GALNT13: variants seen among roughly 807,000 people sequenced by gnomAD.
GALNT13 encodes polypeptide N-acetylgalactosaminyltransferase 13.
Under a neutral mutation model 64.2 loss-of-function variants are expected in GALNT13, and 28 were observed. The ratio of observed to expected loss-of-function variants is 0.44; its 90% CI spans 0.32 to 0.60. The LOEUF (loss-of-function observed/expected upper bound fraction) is 0.60, where lower values mean the gene tolerates loss of function less well. Among genes scored for constraint, GALNT13 ranks in the 20% least tolerant of loss-of-function variants. The pLI, the probability that GALNT13 is intolerant of heterozygous loss-of-function variation, is 0.05. For synonymous variants in GALNT13, 214 were observed against 224.6 expected (o/e 0.95, Z 0.42); for missense variants, 577 against 669.8 (o/e 0.86, Z 1.53).
chr2:153,740,841 G>A, the GALNT13 span, among the ~76,000 whole-genome samples: 3 of 152,106 alleles, frequency 2.0e-5, no homozygotes, highest in Non-Finnish European at 4.4e-5. Flanking sequence ...CTTGAGCAGA[G>A]TTTATGCATA....
chr2:153,609,459 A>C, the GALNT13 span, among the ~76,000 whole-genome samples: 5,777 of 152,122 alleles, frequency 0.038, 139 homozygotes, highest in Middle Eastern at 0.065. Context: ...TGCTCCTCTT[A>C]CACCCGTTTC....
chr2:154,409,875 A>T (rs1699717878), intron 11 of GALNT13, among the ~76,000 whole-genome samples: 1 of 151,896 alleles, frequency 6.6e-6, no homozygotes, highest in Admixed American at 6.6e-5. Context: ...TTATGGTTAT[A>T]TTTGTGTCAA....
At chr2:153,280,477 T>C in the GALNT13 span, among the ~76,000 whole-genome samples, 1 of 152,166 alleles carries the variant, frequency 6.6e-6, no homozygotes, top group South Asian at 2.1e-4. Context: ...TTTGAAATCT[T>C]CCTGAATTTT....
intron 3 of GALNT13, among the ~76,000 whole-genome samples, chr2:154,137,302 AACACACACAC>A (rs112665813): frequency 6.7e-5 from 10 of 148,888 alleles, no homozygotes; most frequent in Non-Finnish European, 1.3e-4. Context: ...ACACAGGCAA[AACACACACAC>A]ACACACACAC....
the GALNT13 span, among the ~76,000 whole-genome samples, chr2:153,098,117 C>CTG: frequency 2.2e-4 from 33 of 152,112 alleles, no homozygotes; most frequent in Admixed American, 5.9e-4. Flanking sequence ...TCCCTTATAG[C>CTG]CATCACTTAG....
At chr2:153,397,783 A>G in the GALNT13 span, among the ~76,000 whole-genome samples, 1 of 152,102 alleles carries the variant, frequency 6.6e-6, no homozygotes, top group Non-Finnish European at 1.5e-5. Flanking sequence ...GCAGAACTCC[A>G]ATTTACTGAC....
intron 9 of GALNT13, among the ~76,000 whole-genome samples, chr2:154,310,593 T>C (rs1292591607): frequency 6.6e-6 from 1 of 152,190 alleles, no homozygotes; most frequent in Non-Finnish European, 1.5e-5. Context: ...TATTTAATCA[T>C]GCCAATATTG....
the GALNT13 span, among the ~76,000 whole-genome samples, chr2:153,838,718 T>C: frequency 6.6e-6 from 1 of 151,972 alleles, no homozygotes; most frequent in Admixed American, 6.6e-5. Flanking sequence ...TTTGTTCTTC[T>C]TGTTCAAGAT....
chr2:153,576,148 C>A, the GALNT13 span, among the ~76,000 whole-genome samples: 1 of 151,004 alleles, frequency 6.6e-6, no homozygotes, highest in South Asian at 2.1e-4. Context: ...AATGCCCTCC[C>A]CACTCTTTCC....
the GALNT13 span, among the ~76,000 whole-genome samples, chr2:153,749,695 C>T: frequency 4.6e-5 from 7 of 151,838 alleles, no homozygotes; most frequent in Admixed American, 3.3e-4. Context: ...TTGCATCTGG[C>T]AACTTTGGCG....
chr2:153,351,976 G>A, the GALNT13 span, among the ~76,000 whole-genome samples: 3 of 152,136 alleles, frequency 2.0e-5, no homozygotes, highest in Non-Finnish European at 2.9e-5. Context: ...TAAATACTAA[G>A]GAGTGTGATT....
chr2:153,630,783 ATATATATATATATATATATATATATT>A, the GALNT13 span, among the ~76,000 whole-genome samples: 4 of 9,482 alleles, frequency 4.2e-4, no homozygotes, highest in South Asian at 0.032. Context: ...ATATATATAT[ATATATATATATATATATATATATATT>A]TTTTTTTTTT....
intron 11 of GALNT13, among the ~76,000 whole-genome samples, chr2:154,425,626 G>A (rs959722236): frequency 3.3e-5 from 5 of 152,122 alleles, no homozygotes; most frequent in Non-Finnish European, 5.9e-5. Flanking sequence ...AAACATAGGC[G>A]AATATACCAT....
intron 4 of GALNT13, among the ~76,000 whole-genome samples, chr2:154,174,046 T>C (rs1559004897): frequency 6.6e-6 from 1 of 152,236 alleles, no homozygotes; most frequent in Non-Finnish European, 1.5e-5. Flanking sequence ...TGGGTATATA[T>C]CCAAAAGAAA....
At chr2:153,660,400 A>C in the GALNT13 span, among the ~76,000 whole-genome samples, 1 of 152,064 alleles carries the variant, frequency 6.6e-6, no homozygotes, top group Non-Finnish European at 1.5e-5. Flanking sequence ...TTTGGAACTT[A>C]CGTGAAATAT....
the GALNT13 span, among the ~76,000 whole-genome samples, chr2:153,334,973 G>A: frequency 1.6e-4 from 25 of 152,080 alleles, no homozygotes; most frequent in African/African-American, 5.1e-4. Context: ...TTGAATCATG[G>A]GGGCCAGTCT....
rs116306543 is a variant in GALNT13, at chr2:154,319,375, C to T, written c.1156+17786C>T. On this transcript the variant is annotated intron_variant, in intron 9 of 12. Transcript: ENST00000392825. ...TGGCTAGCATTCCTTTTGATCAATC[C>T]TTAATATAGGCCAAGTGTAGTGGCT... is the stretch of plus-strand genomic sequence containing the variant. Among the ~76,000 whole-genome samples, 916 of 152,030 alleles carry T rather than the reference C, an allele frequency of 6.0e-3. 5 individuals are homozygous for T. The highest frequency in any genetic ancestry group is 0.02 in the African/African-American group (841 of 41,490).
chr2:153,916,987 C>T (rs1054906716), intron 2 of GALNT13, among the ~76,000 whole-genome samples: 1 of 152,166 alleles, frequency 6.6e-6, no homozygotes, highest in Non-Finnish European at 1.5e-5. Context: ...TTCTCTTTAA[C>T]CTTTGCCATT....
At chr2:153,963,729 C>CTGTGTGTGTG (rs1357755350) in intron 3 of GALNT13, among the ~76,000 whole-genome samples, 6 of 117,240 alleles carry the variant, frequency 5.1e-5, no homozygotes, top group African/African-American at 1.3e-4. Flanking sequence ...CTCTCTCTCT[C>CTGTGTGTGTG]TCTGTGTGTG....
Sources: allele counts gnomAD v4.1 joint callset (sites outside exome capture counted in the v4.1 genomes callset), GRCh38; gene constraint gnomAD v4.1.1; transcripts MANE v1.5; gene names NCBI Gene and HGNC (gene_info 2026-07-23, HGNC 2026-07-21).